The following NKAIN3 variants were observed in gnomAD, a reference collection of about 807,000 sequenced individuals.
NKAIN3 encodes sodium/potassium-transporting ATPase subunit beta-1-interacting protein 3.
NKAIN3 carries 25 observed loss-of-function variants against 30.2 expected under a neutral mutation model. That is an observed-to-expected ratio of 0.83 (90% CI 0.60 to 1.16). The LOEUF (loss-of-function observed/expected upper bound fraction) is 1.16. NKAIN3 is among the 50% of genes most tolerant of loss of function. The probability of loss-of-function intolerance (pLI) is 0.00; values close to 1 mark genes in which losing one functional copy is unlikely to be tolerated. For synonymous variants in NKAIN3, 91 were observed against 89.6 expected, an observed-to-expected ratio of 1.02 and a Z score of -0.09; for missense variants, 225 against 254.1, an observed-to-expected ratio of 0.89 and a Z score of 0.78.
intron 4 of NKAIN3, among the ~76,000 whole-genome samples, chr8:62,893,506 T>C (rs2130827641): frequency 6.6e-6 from 1 of 152,336 alleles, no homozygotes; most frequent in South Asian, 2.1e-4. Context: ...AAATGAAATA[T>C]ATCTATAAGC....
rs149895571 is a variant in NKAIN3 at position 62,512,033 on chromosome 8, G to A, written c.55-67506G>A. 3.0e-4 allele frequency among the ~76,000 whole-genome samples: 45 copies of A among 152,144 alleles called. 1 individual carries two copies. The highest frequency in any genetic ancestry group is 1.0e-3 in the South Asian group (5 of 4,826). ...CTGATGTTTTTATTCCCACTATCTTGTATGATACTTGGCATGTCATAGGCA... is the reference window on the plus strand; with the variant it reads ...CTGATGTTTTTATTCCCACTATCTTATATGATACTTGGCATGTCATAGGCA... On this transcript the variant is annotated intron_variant, in intron 1 of 6. Coordinates refer to ENST00000623646, the MANE Select transcript of NKAIN3 (RefSeq NM_001304533.3).
chr8:62,896,323 A>G (rs1378524), intron 4 of NKAIN3, among the ~76,000 whole-genome samples: 117,087 of 151,458 alleles, frequency 0.77, 46,117 homozygotes, highest in East Asian at 0.93. Context: ...TTCCAAAAGC[A>G]TCACCTCCTA....
Position 62,382,072 on chromosome 8 carries a change from T to C in NKAIN3, c.54+132945T>C, listed in dbSNP as rs115639320. On this transcript the variant is annotated intron_variant, in intron 1 of 6. Coordinates refer to ENST00000623646, the MANE Select transcript of NKAIN3 (RefSeq NM_001304533.3). ...CCAGGGATTAGGGAAACTGACACCA[T>C]GCACAGTTGAAAATCCAAGTATAAA... Among the ~76,000 whole-genome samples the C allele has an allele frequency of 1.4e-3, 215 of 152,248 alleles. 1 individual carries two copies. The highest frequency in any genetic ancestry group is 5.1e-3 in the African/African-American group (211 of 41,552).
intron 1 of NKAIN3, among the ~76,000 whole-genome samples, chr8:62,294,618 G>GT (rs1813767584): frequency 6.6e-6 from 1 of 152,078 alleles, no homozygotes; most frequent in Non-Finnish European, 1.5e-5. Context: ...CAAGATCATG[G>GT]TTCACTTTCA....
At chr8:62,886,140 G>T (rs1257411496) in intron 4 of NKAIN3, among the ~76,000 whole-genome samples, 1 of 151,422 alleles carries the variant, frequency 6.6e-6, no homozygotes, top group African/African-American at 2.4e-5. Flanking sequence ...TTTCTTATCA[G>T]ATCAATTATA....
intron 1 of NKAIN3, among the ~76,000 whole-genome samples, chr8:62,357,772 G>A (rs1455912971): frequency 1.3e-5 from 2 of 152,244 alleles, no homozygotes; most frequent in East Asian, 3.9e-4. Context: ...TGTTAGCAGA[G>A]TTTGCAAGAA....
intron 4 of NKAIN3, among the ~76,000 whole-genome samples, chr8:62,853,535 G>A (rs977188287): frequency 5.3e-5 from 8 of 152,188 alleles, no homozygotes; most frequent in Non-Finnish European, 1.2e-4. Context: ...TTGTATGTCT[G>A]TGGGGTCAGT....
chr8:62,383,786 A>T (rs1817344173), intron 1 of NKAIN3, among the ~76,000 whole-genome samples: 1 of 152,120 alleles, frequency 6.6e-6, no homozygotes, highest in African/African-American at 2.4e-5. Flanking sequence ...CCTACATAAA[A>T]GCTAAGTTTT....
In NKAIN3 at chr8:62,891,489, C is replaced by T. The variant is rs1248206832; in HGVS notation, c.472-26964C>T. Among the ~76,000 whole-genome samples the T allele has an allele frequency of 2.0e-5, 3 of 152,176 alleles. No individual in the cohort carries two copies. The East Asian group carries it at 5.8e-4, about 29-fold the overall frequency. On this transcript the variant is annotated intron_variant, in intron 4 of 6. Coordinates refer to ENST00000623646, the MANE Select transcript of NKAIN3 (RefSeq NM_001304533.3). ...GCAGACAGCCTATTGTGGGACTTCA[C>T]ATTGTGATCATGTGAGTCAATTCTC...
At chr8:62,922,829 T>A (rs1244692117) in intron 5 of NKAIN3, among the ~76,000 whole-genome samples, 1 of 151,942 alleles carries the variant, frequency 6.6e-6, no homozygotes, top group East Asian at 1.9e-4. Context: ...TCACTAGAGC[T>A]CAGATTTAGA....
chr8:62,291,740 A>T (rs2129587168), intron 1 of NKAIN3, among the ~76,000 whole-genome samples: 1 of 152,272 alleles, frequency 6.6e-6, no homozygotes, highest in East Asian at 1.9e-4. Context: ...AGTTCTGTAG[A>T]TGTCTATTAG....
At chr8:62,633,856 T>C (rs762180779) in intron 3 of NKAIN3, among the ~76,000 whole-genome samples, 15 of 152,142 alleles carry the variant, frequency 9.9e-5, no homozygotes, top group African/African-American at 3.6e-4. Context: ...GAGGTGCCTG[T>C]CATTTCTGGT....
At chr8:62,385,600 C>T (rs1269686335) in intron 1 of NKAIN3, among the ~76,000 whole-genome samples, 1 of 152,144 alleles carries the variant, frequency 6.6e-6, no homozygotes, top group Non-Finnish European at 1.5e-5. Flanking sequence ...TTGGCAAATG[C>T]ATAACATCAT....
chr8:62,888,360 T>C (rs897410959), intron 4 of NKAIN3, among the ~76,000 whole-genome samples: 1 of 152,216 alleles, frequency 6.6e-6, no homozygotes, highest in Non-Finnish European at 1.5e-5. Flanking sequence ...TGTGAGAACT[T>C]GGTGGAGCTC....
intron 4 of NKAIN3, among the ~76,000 whole-genome samples, chr8:62,777,166 T>G (rs1344840110): frequency 1.3e-5 from 2 of 152,150 alleles, no homozygotes; most frequent in Non-Finnish European, 2.9e-5. Context: ...TTGAATAGTT[T>G]GAGGAGCCTT....
At chr8:62,805,829 G>T (rs559385252) in intron 4 of NKAIN3, among the ~76,000 whole-genome samples, 1 of 152,150 alleles carries the variant, frequency 6.6e-6, no homozygotes, top group Admixed American at 6.5e-5. Flanking sequence ...AAGAGCTTCT[G>T]CACAGCAAAA....
chr8:62,801,069 C>G (rs1230548160), intron 4 of NKAIN3, among the ~76,000 whole-genome samples: 3 of 152,194 alleles, frequency 2.0e-5, no homozygotes, highest in African/African-American at 7.2e-5. Flanking sequence ...GGGGGAGGGG[C>G]TCCCACCATT....
rs559974514 is a variant in NKAIN3, at chr8:62,803,140, C to T, written c.471+56011C>T. ...AAGTCCTGAGTGACCTACAAAGAGA[C>T]TTAGACTCCCACACAATAATAATGG... is the stretch of plus-strand genomic sequence containing the variant. On this transcript the variant is annotated intron_variant, in intron 4 of 6. Transcript: ENST00000623646. Among the ~76,000 whole-genome samples, 4 of 152,248 alleles carry T rather than the reference C, an allele frequency of 2.6e-5. No individual in the cohort carries two copies. In the South Asian group the frequency reaches 8.3e-4, roughly 32 times the overall value.
intron 1 of NKAIN3, among the ~76,000 whole-genome samples, chr8:62,379,860 C>T (rs779328583): frequency 3.3e-5 from 5 of 152,056 alleles, no homozygotes; most frequent in Non-Finnish European, 5.9e-5. Context: ...CATAGTTTAC[C>T]TCCTCAAACT....
Sources: gnomAD v4.1 joint callset for allele counts (sites outside exome capture counted in the v4.1 genomes callset) on GRCh38, gnomAD v4.1.1 for gene constraint, MANE v1.5 for transcripts, NCBI Gene and HGNC (gene_info 2026-07-23, HGNC 2026-07-21) for gene names.